Variants in ZNF10 observed in about 807,000 individuals in gnomAD.
The protein encoded by ZNF10 is zinc finger protein 10.
Under a neutral mutation model 12.2 loss-of-function variants are expected in ZNF10, and 8 were observed. The ratio of observed to expected loss-of-function variants is 0.66; its 90% CI spans 0.39 to 1.18. The LOEUF (loss-of-function observed/expected upper bound fraction) is 1.18, where lower values mean the gene tolerates loss of function less well. ZNF10 is among the 50% of genes most tolerant of loss of function. The pLI is 0.01. For missense variants in ZNF10, 603 were observed against 678.9 expected (o/e 0.89, Z 1.24); for synonymous variants, 229 against 228.2 (o/e 1.00, Z -0.03).
chr12:133,157,088 G>A lies in ZNF10; in HGVS notation c.*120G>A, dbSNP rs558136084. The A allele has an allele frequency of 7.8e-6, 7 of 897,528 alleles. No homozygotes were observed. The South Asian group carries it at 1.9e-4, about 24-fold the overall frequency. 55.6% of individuals were successfully genotyped at this position (897,528 alleles called of 1,614,324 possible). A position where few individuals can be genotyped will look rare whatever the true frequency, so the allele number is the denominator to read the frequency against. Reference sequence around the variant, plus strand: ...CTTTCAGTCTTGTTACTATCCTATTGCACATTAGAGAATTGGTCCTGGAAG... The same window carrying A: ...CTTTCAGTCTTGTTACTATCCTATTACACATTAGAGAATTGGTCCTGGAAG... On this transcript the variant is annotated 3_prime_UTR_variant, in exon 5 of 5. Transcript: ENST00000248211.
intron 4 of ZNF10, among the ~76,000 whole-genome samples, chr12:133,155,154 A>G (rs897946548): frequency 6.6e-6 from 1 of 152,186 alleles, no homozygotes; most frequent in African/African-American, 2.4e-5. Flanking sequence ...CCTGACAACA[A>G]GTAGACAGGT....
Position 133,156,218 on chromosome 12 carries a change from A to G in ZNF10, c.972A>G (p.Lys324=), listed in dbSNP as rs993448326. The G allele has an allele frequency of 4.3e-6, 7 of 1,613,916 alleles. No individual in the cohort carries two copies. The highest frequency in any genetic ancestry group is 1.6e-4 in the Middle Eastern group (1 of 6,082). The part of the protein sequence containing the change: ...THTGEEPYEC[K]ECGKSFSWFS... ...CTGGTGAGGAACCCTATGAATGTAA[A>G]GAATGTGGAAAATCCTTCAGCTGGT... is the stretch of plus-strand genomic sequence containing the variant. Residue 324 remains lysine (K), a synonymous_variant, in exon 5 of 5, where the codon AAA becomes AAG. Coordinates refer to ENST00000248211, the MANE Select transcript of ZNF10 (RefSeq NM_015394.5).
intron 1 of ZNF10, among the ~76,000 whole-genome samples, chr12:133,138,324 GT>G (rs145087883): frequency 0.021 from 2,848 of 134,658 alleles, 79 homozygotes; most frequent in African/African-American, 0.066. Flanking sequence ...CTGTAGTTTT[GT>G]TTTTTTTTTA....
In ZNF10 at chr12:133,151,866, G is replaced by A; in HGVS notation, c.218G>A (p.Trp73Ter). 6.2e-7 allele frequency: 1 copy of A among 1,613,610 alleles called. No individual in the cohort carries two copies. Among genetic ancestry groups the A allele is most frequent in the Non-Finnish European group, 8.5e-7 (1 of 1,179,654 alleles). Residue 73 changes from tryptophan to a stop codon, truncating the protein, a stop_gained, in exon 4 of 5, where the codon TGG (tryptophan) becomes TAG (stop). Coordinates refer to ENST00000248211, the MANE Select transcript of ZNF10 (RefSeq NM_015394.5). LOFTEE classifies it low-confidence loss of function (END_TRUNC). ...ILRLEKGEEP[W>*]LVEREIHQET... Reference sequence around the variant, plus strand: ...CGGTTGGAGAAGGGAGAAGAGCCCTGGCTGGTGGAGAGAGAAATTCACCAA... The same window carrying A: ...CGGTTGGAGAAGGGAGAAGAGCCCTAGCTGGTGGAGAGAGAAATTCACCAA...
At chr12:133,152,478 G>A (rs1037310680) in intron 4 of ZNF10, among the ~76,000 whole-genome samples, 3 of 152,072 alleles carry the variant, frequency 2.0e-5, no homozygotes, top group Non-Finnish European at 4.4e-5. Context: ...GTAGTGGCGC[G>A]ATCTAGGCTC....
chr12:133,140,625 C>T (rs889097863), intron 1 of ZNF10, among the ~76,000 whole-genome samples: 4 of 151,792 alleles, frequency 2.6e-5, no homozygotes, highest in Admixed American at 1.3e-4. Flanking sequence ...TCTATTCTCT[C>T]GTATTCCATC....
In ZNF10 at chr12:133,155,883, A is replaced by G. The variant is rs1410698219; in HGVS notation, c.637A>G (p.Asn213Asp). The G allele has an allele frequency of 6.2e-7, 1 of 1,613,728 alleles. No individual in the cohort carries two copies. Among genetic ancestry groups the G allele is most frequent in the South Asian group, 1.1e-5 (1 of 90,998 alleles). Reference sequence around the variant, plus strand: ...TCAGGACAGTTGTGCAAGTAACAGTAATGAATGTGGTCAAACTTTCTGTCA... The same window carrying G: ...TCAGGACAGTTGTGCAAGTAACAGTGATGAATGTGGTCAAACTTTCTGTCA... ...GHQDSCASNSNECGQTFCQNI... is the reference protein window; with the variant it reads ...GHQDSCASNSDECGQTFCQNI... Residue 213 changes from asparagine (N) to aspartate (D), a missense_variant, in exon 5 of 5, where the codon AAT becomes GAT. This residue lies in a region of ZNF10 where 393 missense variants were observed against 399.7 expected (regional missense o/e 0.98). Transcript: ENST00000248211.
intron 2 of ZNF10, among the ~76,000 whole-genome samples, chr12:133,149,348 A>G (rs1233543972): frequency 1.2e-5 from 1 of 83,810 alleles, no homozygotes; most frequent in Non-Finnish European, 2.4e-5. Context: ...GGTTTTTGCT[A>G]TTGCTTTTTT....
intron 2 of ZNF10, among the ~76,000 whole-genome samples, chr12:133,149,352 CTTTTTTTTTTTTT>C (rs144304054): frequency 5.8e-5 from 5 of 85,808 alleles, no homozygotes; most frequent in African/African-American, 1.5e-4. Flanking sequence ...TTTGCTATTG[CTTTTTTTTTTTTT>C]TTTTTTTTTT....
chr12:133,133,522 C>T lies in ZNF10; in HGVS notation c.-60+2768C>T, dbSNP rs181005544. The stretch of plus-strand genomic sequence containing the variant: ...AAGGGAGACAGACAAATCTTGGTAC[C>T]GTAAGGCAGCGTTGAAGTGCTGGAA... On this transcript the variant is annotated intron_variant, in intron 1 of 4. Transcript: ENST00000248211. Among the ~76,000 whole-genome samples the T allele has an allele frequency of 1.5e-3, 230 of 152,202 alleles. 1 individual carries two copies. Among genetic ancestry groups the T allele is most frequent in the African/African-American group, 5.0e-3 (206 of 41,524 alleles).
intron 2 of ZNF10, 82 bp downstream of exon 2, chr12:133,144,607 A>G (rs571204861): frequency 2.7e-5 from 37 of 1,375,652 alleles, no homozygotes; most frequent in Non-Finnish European, 3.7e-5. Flanking sequence ...CAGAAATTAT[A>G]TCTTCTTCTC....
chr12:133,137,225 T>C (rs1210525417), intron 1 of ZNF10, among the ~76,000 whole-genome samples: 1 of 152,196 alleles, frequency 6.6e-6, no homozygotes, highest in Non-Finnish European at 1.5e-5. Context: ...ACCTGGTTTT[T>C]TTTGGGGCTA....
chr12:133,143,153 CAG>C (rs1399720389), intron 1 of ZNF10, among the ~76,000 whole-genome samples: 1 of 152,036 alleles, frequency 6.6e-6, no homozygotes, highest in Non-Finnish European at 1.5e-5. Context: ...TTCATAGAGA[CAG>C]AACGTAGATT....
chr12:133,144,403 A>C (rs1955963773), intron 1 of ZNF10, 31 bp from the exon 2 acceptor site: 3 of 1,444,296 alleles, frequency 2.1e-6, no homozygotes, highest in Non-Finnish European at 2.9e-6. Context: ...AGTCATAGCA[A>C]ACTTAACTTA....
chr12:133,155,710 A>G lies in ZNF10; in HGVS notation c.464A>G (p.Lys155Arg), dbSNP rs749265176. The change falls in exon 5 of 5, where the codon AAG (lysine) becomes AGG (arginine). Residue 155 changes from lysine (K) to arginine (R), a missense_variant. Coordinates refer to ENST00000248211, the MANE Select transcript of ZNF10 (RefSeq NM_015394.5). ...TTGAGGCAAGTGGCATTCACCCAAAAGAAAGTACTTACTCAGGAGAGAGTC... is the reference window on the plus strand; with the variant it reads ...TTGAGGCAAGTGGCATTCACCCAAAGGAAAGTACTTACTCAGGAGAGAGTC... ...RHLRQVAFTQKKVLTQERVSE... is the reference protein window; with the variant it reads ...RHLRQVAFTQRKVLTQERVSE... 3.1e-6 allele frequency: 5 copies of G among 1,611,708 alleles called. 1 individual carries two copies. The highest frequency in any genetic ancestry group is 4.5e-5 in the East Asian group (2 of 44,870).
chr12:133,157,027 G>C lies in ZNF10; in HGVS notation c.*59G>C. ...TTTATTTTGCATTGGAGAACTCCTG[G>C]AGATAAGCTGTACAAATTGAATCTA... On this transcript the variant is annotated 3_prime_UTR_variant, in exon 5 of 5. Transcript: ENST00000248211. 1 of 1,336,478 alleles carries C rather than the reference G, an allele frequency of 7.5e-7. No individual in the cohort carries two copies. The highest frequency in any genetic ancestry group is 9.7e-7 in the Non-Finnish European group (1 of 1,025,760). 82.8% of individuals were successfully genotyped at this position (1,336,478 alleles called of 1,614,324 possible).
chr12:133,136,770 T>G lies in ZNF10; in HGVS notation c.-60+6016T>G, dbSNP rs534387169. Among the ~76,000 whole-genome samples the G allele has an allele frequency of 2.0e-5, 3 of 152,320 alleles. No homozygotes were observed. In the East Asian group the frequency reaches 5.8e-4, roughly 29 times the overall value. Reference sequence around the variant, plus strand: ...TCACCTATATCTTATAGCAGGAGAATATAGTTACTCTTAAATATGTGACAA... The same window carrying G: ...TCACCTATATCTTATAGCAGGAGAAGATAGTTACTCTTAAATATGTGACAA... On this transcript the variant is annotated intron_variant, in intron 1 of 4. Transcript: ENST00000248211.
chr12:133,158,798 G>A lies in ZNF10; in HGVS notation c.*1830G>A, dbSNP rs147235352. ...TAGAATCAGGAGACTTGAGAACTACGAGGAACATGGCAGCCTCTAGCTCAT... is the reference window on the plus strand; with the variant it reads ...TAGAATCAGGAGACTTGAGAACTACAAGGAACATGGCAGCCTCTAGCTCAT... On this transcript the variant is annotated 3_prime_UTR_variant, in exon 5 of 5. Transcript: ENST00000248211. The A allele has an allele frequency of 6.6e-6, 1 of 152,246 alleles. No homozygotes were observed. The highest frequency in any genetic ancestry group is 2.4e-5 in the African/African-American group (1 of 41,558). The allele number at this position is 152,246 out of a possible 1,614,324, so 9.4% of individuals were successfully genotyped here.
At chr12:133,133,016 T>C (rs1955889712) in intron 1 of ZNF10, among the ~76,000 whole-genome samples, 1 of 152,242 alleles carries the variant, frequency 6.6e-6, no homozygotes, top group Non-Finnish European at 1.5e-5. Context: ...TCCTTAAAAA[T>C]TTCAGAATAC....
Sources: gnomAD v4.1 joint callset for allele counts (sites outside exome capture counted in the v4.1 genomes callset) on GRCh38, gnomAD v4.1.1 for gene constraint, gnomAD v4.1.1 regional missense constraint, MANE v1.5 for transcripts, NCBI Gene and HGNC (gene_info 2026-07-23, HGNC 2026-07-21) for gene names.